Variants in EYS observed in about 807,000 individuals in gnomAD.
The protein encoded by EYS is EGF-like photoreceptor maintenance factor.
EYS carries 250 observed loss-of-function variants against 282.1 expected under a neutral mutation model. That is an observed-to-expected ratio of 0.89 (90% confidence interval 0.80 to 0.98). The LOEUF (loss-of-function observed/expected upper bound fraction) is 0.98. EYS is among the 50% of genes least tolerant of loss of function. The pLI is 0.00. For synonymous variants in EYS, 1,355 were observed against 1,282.9 expected, an observed-to-expected ratio of 1.06 and a Z score of -1.20; for missense variants, 4,016 against 3,709.0, an observed-to-expected ratio of 1.08 and a Z score of -2.15.
intron 12 of EYS, among the ~76,000 whole-genome samples, chr6:65,286,064 A>T (rs1768353238): frequency 6.6e-6 from 1 of 151,878 alleles, no homozygotes; most frequent in South Asian, 2.1e-4. Flanking sequence ...TGCCTTAAAA[A>T]ATCTAAACAC....
chr6:64,072,675 T>A (rs991929981), intron 32 of EYS, among the ~76,000 whole-genome samples: 1 of 152,036 alleles, frequency 6.6e-6, no homozygotes, highest in Admixed American at 6.6e-5. Context: ...TCCACTCCCA[T>A]CATTTTGTGC....
At chr6:63,824,106 C>T (rs972654450) in intron 36 of EYS, among the ~76,000 whole-genome samples, 11 of 152,204 alleles carry the variant, frequency 7.2e-5, no homozygotes, top group African/African-American at 2.4e-4. Context: ...CCCACAATCT[C>T]GTCTCTCTTT....
intron 5 of EYS, among the ~76,000 whole-genome samples, chr6:65,443,351 C>A (rs558084028): frequency 3.0e-5 from 4 of 131,794 alleles, no homozygotes; most frequent in South Asian, 2.4e-4. Flanking sequence ...CACATATAGA[C>A]ATATATGCAT....
chr6:64,843,396 C>T (rs532308283), intron 19 of EYS, among the ~76,000 whole-genome samples: 4 of 152,226 alleles, frequency 2.6e-5, no homozygotes, highest in Middle Eastern at 3.4e-3. Flanking sequence ...GAAAGCAGCC[C>T]GGAGGTGGGC....
At chr6:65,682,315 G>A (rs1011320324) in intron 1 of EYS, among the ~76,000 whole-genome samples, 1 of 151,928 alleles carries the variant, frequency 6.6e-6, no homozygotes, top group East Asian at 2.0e-4. Flanking sequence ...TCTTAGCTAC[G>A]GAGTGGGAAG....
At chr6:64,215,868 T>C (rs1278333935) in intron 31 of EYS, among the ~76,000 whole-genome samples, 2 of 151,874 alleles carry the variant, frequency 1.3e-5, no homozygotes, top group Non-Finnish European at 2.9e-5. Flanking sequence ...GTGTAGATGA[T>C]AAAAAATGAC....
At chr6:65,472,989 G>A in intron 5 of EYS, among the ~76,000 whole-genome samples, 1 of 151,692 alleles carries the variant, frequency 6.6e-6, no homozygotes, top group South Asian at 2.1e-4. Flanking sequence ...ACCCTCATAG[G>A]TAGTCTACTT....
intron 33 of EYS, among the ~76,000 whole-genome samples, chr6:64,042,306 A>G (rs1012825166): frequency 6.6e-6 from 1 of 152,214 alleles, no homozygotes; most frequent in Non-Finnish European, 1.5e-5. Flanking sequence ...ATGTGCATGC[A>G]ATGCCTTGCT....
intron 32 of EYS, among the ~76,000 whole-genome samples, chr6:64,072,033 G>A (rs575407972): frequency 4.6e-4 from 70 of 151,992 alleles, no homozygotes; most frequent in African/African-American, 1.6e-3. Flanking sequence ...TTTCCCATTA[G>A]TGCTGCGCTT....
chr6:65,192,219 A>G (rs930664970), intron 12 of EYS, among the ~76,000 whole-genome samples: 1 of 151,622 alleles, frequency 6.6e-6, no homozygotes, highest in African/African-American at 2.4e-5. Flanking sequence ...ACACTCAATT[A>G]GAAAAAATAT....
chr6:65,224,483 T>C (rs1367871736), intron 12 of EYS, among the ~76,000 whole-genome samples: 1 of 152,182 alleles, frequency 6.6e-6, no homozygotes, highest in African/African-American at 2.4e-5. Flanking sequence ...ATCAACAACC[T>C]AATGTTACAC....
At chr6:65,543,956 G>A (rs1414433613) in intron 2 of EYS, among the ~76,000 whole-genome samples, 1 of 151,508 alleles carries the variant, frequency 6.6e-6, no homozygotes, top group African/African-American at 2.4e-5. Context: ...AAATTTCAGT[G>A]TGAACACAGA....
At chr6:65,643,419 C>T (rs1767345760) in intron 1 of EYS, among the ~76,000 whole-genome samples, 1 of 152,192 alleles carries the variant, frequency 6.6e-6, no homozygotes, top group South Asian at 2.1e-4. Context: ...ATGCCTATCC[C>T]TGCTACCACC....
intron 19 of EYS, among the ~76,000 whole-genome samples, chr6:64,833,498 G>A (rs916464521): frequency 1.3e-5 from 2 of 151,810 alleles, no homozygotes; most frequent in African/African-American, 4.8e-5. Flanking sequence ...CTGTGACTAT[G>A]CAGACTTCAT....
intron 11 of EYS, among the ~76,000 whole-genome samples, chr6:65,297,768 A>G (rs1768707013): frequency 1.3e-5 from 2 of 152,140 alleles, no homozygotes; most frequent in East Asian, 1.9e-4. Context: ...ACTTCCCTTC[A>G]ATACCTTTCC....
In EYS at chr6:65,238,627, A is replaced by T. The variant is rs1014284751; in HGVS notation, c.2023+57236T>A. On this transcript the variant is annotated intron_variant, in intron 12 of 42. Coordinates refer to ENST00000503581, the MANE Select transcript of EYS (RefSeq NM_001142800.2). Reference sequence around the variant, plus strand: ...TTTTAAAAAATAATGATCCACCATAATGTTGTTATTGCTATTATGACTAAC... The same window carrying T: ...TTTTAAAAAATAATGATCCACCATATTGTTGTTATTGCTATTATGACTAAC... 1.3e-4 allele frequency among the ~76,000 whole-genome samples: 19 copies of T among 151,990 alleles called. 1 individual carries two copies. The highest frequency in any genetic ancestry group is 1.1e-3 in the Admixed American group (17 of 15,266).
intron 5 of EYS, among the ~76,000 whole-genome samples, chr6:65,442,065 T>C (rs1215290769): frequency 6.6e-6 from 1 of 152,098 alleles, no homozygotes; most frequent in Non-Finnish European, 1.5e-5. Context: ...TACACCCCGT[T>C]AGAATTTATA....
intron 2 of EYS, among the ~76,000 whole-genome samples, chr6:65,598,021 G>A (rs1011329637): frequency 1.3e-5 from 2 of 151,966 alleles, no homozygotes; most frequent in Non-Finnish European, 1.5e-5. Context: ...GATCATTTGA[G>A]CCTGGGAAGT....
At chr6:64,767,707 T>C (rs897909236) in intron 22 of EYS, among the ~76,000 whole-genome samples, 3 of 152,174 alleles carry the variant, frequency 2.0e-5, no homozygotes, top group Non-Finnish European at 4.4e-5. Context: ...TAGGTTGATT[T>C]CATATCTTGA....
Sources: gnomAD v4.1 joint callset for allele counts (sites outside exome capture counted in the v4.1 genomes callset) on GRCh38, gnomAD v4.1.1 for gene constraint, MANE v1.5 for transcripts, NCBI Gene and HGNC (gene_info 2026-07-23, HGNC 2026-07-21) for gene names.